The following GPR149 variants were observed in gnomAD, a reference collection of about 807,000 sequenced individuals.
GPR149 encodes probable G protein-coupled receptor 149.
GPR149 carries 50 observed loss-of-function variants against 50.2 expected under a neutral mutation model. That is an observed-to-expected ratio of 1.00 (90% CI 0.79 to 1.26). The LOEUF (loss-of-function observed/expected upper bound fraction) is 1.26, where lower values mean the gene tolerates loss of function less well. GPR149 is among the 50% of genes most tolerant of loss of function. The pLI, the probability that GPR149 is intolerant of heterozygous loss-of-function variation, is 0.00. For missense variants in GPR149, 983 were observed against 895.4 expected (o/e 1.10, Z -1.25); for synonymous variants, 405 against 358.2 (o/e 1.13, Z -1.48).
chr3:154,429,387 C>T lies in GPR149; in HGVS notation c.229G>A (p.Asp77Asn), dbSNP rs1244639815. ...ACCGACAGGACGCTCATGAGATCATCCACAGACCAGGAAGCCACAAGCATG... is the reference window on the plus strand; with the variant it reads ...ACCGACAGGACGCTCATGAGATCATTCACAGACCAGGAAGCCACAAGCATG... ...VSMLVASWSV[D>N]DLMSVLSVTI... Residue 77 changes from aspartate (D) to asparagine (N), a missense_variant, in exon 1 of 4, where the codon GAT becomes AAT. Physicochemically the swap from Asp to Asn is conservative, Grantham distance 23. Coordinates refer to ENST00000389740, the MANE Select transcript of GPR149 (RefSeq NM_001038705.3). The T allele has an allele frequency of 6.2e-7, 1 of 1,614,070 alleles. No individual in the cohort carries two copies. Among genetic ancestry groups the T allele is most frequent in the Non-Finnish European group, 8.5e-7 (1 of 1,180,052 alleles).
intron 3 of GPR149, among the ~76,000 whole-genome samples, chr3:154,413,660 G>A (rs534577889): frequency 6.6e-6 from 1 of 150,750 alleles, no homozygotes; most frequent in African/African-American, 2.4e-5. Flanking sequence ...AAAAATAGAT[G>A]TTGACAGGGA....
intron 3 of GPR149, among the ~76,000 whole-genome samples, chr3:154,380,210 G>T (rs1261154249): frequency 9.9e-6 from 1 of 101,090 alleles, no homozygotes; most frequent in African/African-American, 3.7e-5. Context: ...GAGAGAGAGA[G>T]AATTTTCCAT....
intron 3 of GPR149, among the ~76,000 whole-genome samples, chr3:154,401,685 G>C (rs987464900): frequency 6.6e-6 from 1 of 152,128 alleles, no homozygotes; most frequent in Non-Finnish European, 1.5e-5. Flanking sequence ...ACCTACATGT[G>C]AGTGTCAAGA....
chr3:154,366,771 T>G (rs1354340985), intron 3 of GPR149, among the ~76,000 whole-genome samples: 2 of 152,244 alleles, frequency 1.3e-5, no homozygotes, highest in Non-Finnish European at 2.9e-5. Context: ...TTACATGTAT[T>G]GATTTATATC....
In GPR149 at chr3:154,428,699, A is replaced by G; in HGVS notation, c.917T>C (p.Val306Ala). 6.2e-7 allele frequency: 1 copy of G among 1,614,094 alleles called. No homozygotes were observed. Among genetic ancestry groups the G allele is most frequent in the Non-Finnish European group, 8.5e-7 (1 of 1,179,986 alleles). Reference protein sequence around the residue: ...LYGTRSFTVSVAQKRFALILA... With the variant: ...LYGTRSFTVSAAQKRFALILA... ...GATCAAAGCGAAGCGCTTCTGCGCT[A>G]CGCTCACGGTGAAGCTCCTGGTGCC... Residue 306 changes from valine (V) to alanine (A), a missense_variant, in exon 1 of 4, where the codon GTA (valine) becomes GCA (alanine). Physicochemically the swap from Val to Ala is moderately conservative, Grantham distance 64 (BLOSUM62 0). Transcript: ENST00000389740.
chr3:154,404,867 T>TCAG (rs768010099), intron 3 of GPR149, among the ~76,000 whole-genome samples: 3,412 of 66,076 alleles, frequency 0.052, 117 homozygotes, highest in African/African-American at 0.13. Flanking sequence ...ATCATCATCA[T>TCAG]CATCATCAGC....
intron 3 of GPR149, among the ~76,000 whole-genome samples, chr3:154,355,024 A>G (rs1056834609): frequency 6.6e-6 from 1 of 152,124 alleles, no homozygotes; most frequent in African/African-American, 2.4e-5. Flanking sequence ...TACTTAAGTT[A>G]CTATATTTAT....
intron 3 of GPR149, among the ~76,000 whole-genome samples, chr3:154,402,415 CAAAT>C (rs34746134): frequency 3.7e-4 from 52 of 140,894 alleles, no homozygotes; most frequent in Non-Finnish European, 6.0e-4. Flanking sequence ...GACCCTGTCT[CAAAT>C]AAATAAATAA....
intron 3 of GPR149, chr3:154,352,798 A>G (rs1714112904): frequency 2.4e-6 from 2 of 825,968 alleles, no homozygotes; most frequent in Non-Finnish European, 4.3e-6. Context: ...AGGAACACCT[A>G]CACATTTAAA....
intron 2 of GPR149, among the ~76,000 whole-genome samples, chr3:154,422,971 G>A (rs997132694): frequency 2.0e-5 from 3 of 151,808 alleles, no homozygotes; most frequent in African/African-American, 4.8e-5. Context: ...AACAAATGCT[G>A]TCATAAAATC....
intron 3 of GPR149, chr3:154,354,685 G>T: frequency 5.1e-6 from 2 of 390,440 alleles, no homozygotes; most frequent in Non-Finnish European, 8.8e-6. Flanking sequence ...TCAGCAAAGA[G>T]TATAGTACAA....
At chr3:154,342,723 A>C (rs184413184) in intron 3 of GPR149, among the ~76,000 whole-genome samples, 1 of 152,300 alleles carries the variant, frequency 6.6e-6, no homozygotes, top group Non-Finnish European at 1.5e-5. Flanking sequence ...AATAATTTTA[A>C]AAGTAAGTAA....
chr3:154,381,352 G>T (rs566755393), intron 3 of GPR149, among the ~76,000 whole-genome samples: 6 of 152,154 alleles, frequency 3.9e-5, no homozygotes, highest in Admixed American at 3.3e-4. Flanking sequence ...TGTTCTCGTT[G>T]CTCCTCATAT....
intron 3 of GPR149, among the ~76,000 whole-genome samples, chr3:154,348,129 T>A (rs1250892286): frequency 6.6e-6 from 1 of 152,172 alleles, no homozygotes; most frequent in Non-Finnish European, 1.5e-5. Context: ...GGAAGCTGAG[T>A]AAGAGAGAGG....
rs183799375 is a variant in GPR149 at position 154,352,140 on chromosome 3, T to G, written c.1624-13869A>C. The G allele has an allele frequency of 5.5e-6, 4 of 722,114 alleles. No homozygotes were observed. In the East Asian group the frequency reaches 1.1e-4, roughly 20 times the overall value. 44.7% of individuals were successfully genotyped at this position (722,114 alleles called of 1,614,324 possible). ...GGTAGATTAAGTATCAAATATTCAG[T>G]CAAAACTCCATTTGTGGCCCCCACT... On this transcript the variant is annotated intron_variant, in intron 3 of 3. Transcript: ENST00000389740.
chr3:154,402,791 A>G (rs1044639838), intron 3 of GPR149, among the ~76,000 whole-genome samples: 2 of 152,156 alleles, frequency 1.3e-5, no homozygotes, highest in Non-Finnish European at 2.9e-5. Flanking sequence ...TCTTCTTCAC[A>G]TACATGCCTG....
At chr3:154,395,970 T>A (rs566092872) in intron 3 of GPR149, among the ~76,000 whole-genome samples, 1 of 152,200 alleles carries the variant, frequency 6.6e-6, no homozygotes, top group African/African-American at 2.4e-5. Context: ...ATTATAAATA[T>A]GCTAATGTGT....
At chr3:154,409,566 C>T (rs1044431900) in intron 3 of GPR149, among the ~76,000 whole-genome samples, 6 of 151,986 alleles carry the variant, frequency 3.9e-5, no homozygotes, top group Non-Finnish European at 7.4e-5. Context: ...GAAGGACACA[C>T]TCAGAGAAAT....
At chr3:154,353,208 G>T in intron 3 of GPR149, 1 of 1,532,458 alleles carries the variant, frequency 6.5e-7, no homozygotes, top group East Asian at 2.2e-5. Context: ...TCCAATAACT[G>T]CTGGCCTCTG....
Sources: allele counts gnomAD v4.1 joint callset (sites outside exome capture counted in the v4.1 genomes callset), GRCh38; gene constraint gnomAD v4.1.1; transcripts MANE v1.5; gene names NCBI Gene and HGNC (gene_info 2026-07-23, HGNC 2026-07-21).